The following PCDH15 variants were observed in gnomAD, a reference collection of about 807,000 sequenced individuals.
PCDH15 encodes the protein protocadherin related 15.
In PCDH15, 129 loss-of-function variants were observed where a neutral mutation model predicts 178.5. That is an observed-to-expected ratio of 0.72 (90% CI 0.63 to 0.84). The LOEUF is 0.84. PCDH15 is among the 40% of genes least tolerant of loss of function. The pLI, the probability that PCDH15 is intolerant of heterozygous loss-of-function variation, is 0.00. For missense variants in PCDH15, 2,230 were observed against 2,099.9 expected (o/e 1.06, Z -1.21); for synonymous variants, 800 against 732.0 (o/e 1.09, Z -1.50).
At chr10:54,803,833 C>T (rs533924969), upstream of PCDH15, among the ~76,000 whole-genome samples, 9 of 152,200 alleles carry the variant, frequency 5.9e-5, no homozygotes, top group South Asian at 4.2e-4. Flanking sequence ...ACATTTAAAA[C>T]ATTTAAACAT....
chr10:54,163,909 T>C (rs2045955730), intron 13 of PCDH15, among the ~76,000 whole-genome samples: 2 of 152,138 alleles, frequency 1.3e-5, no homozygotes, highest in Admixed American at 6.6e-5. Context: ...CTACGGACAA[T>C]CTAAACTATA....
intron 2 of PCDH15, among the ~76,000 whole-genome samples, chr10:55,067,341 T>C (rs1321980010): frequency 6.6e-6 from 1 of 152,006 alleles, no homozygotes; most frequent in Non-Finnish European, 1.5e-5. Flanking sequence ...GTGTTTGTCT[T>C]TTTGTGCCTG....
intron 3 of PCDH15, among the ~76,000 whole-genome samples, chr10:54,491,290 A>C (rs2137130534): frequency 6.8e-6 from 1 of 146,312 alleles, no homozygotes. Context: ...CTAACAAAGT[A>C]TTATCCCTAT....
At chr10:54,565,215 T>C (rs750621431) in intron 2 of PCDH15, among the ~76,000 whole-genome samples, 9 of 152,226 alleles carry the variant, frequency 5.9e-5, no homozygotes, top group Non-Finnish European at 1.3e-4. Flanking sequence ...CTTTCCTTTG[T>C]CAATTATATT....
At chr10:54,343,243 G>A (rs1219050848) in intron 6 of PCDH15, among the ~76,000 whole-genome samples, 1 of 152,130 alleles carries the variant, frequency 6.6e-6, no homozygotes, top group Non-Finnish European at 1.5e-5. Context: ...GGTGGGAGGT[G>A]ACTGGATCAT....
At chr10:54,157,349 G>A (rs1297741709) in intron 13 of PCDH15, among the ~76,000 whole-genome samples, 2 of 152,294 alleles carry the variant, frequency 1.3e-5, no homozygotes, top group East Asian at 1.9e-4. Flanking sequence ...TGACTTCTGT[G>A]CACCTGCAGG....
At chr10:54,148,369 T>G (rs952862623) in intron 14 of PCDH15, among the ~76,000 whole-genome samples, 3 of 152,048 alleles carry the variant, frequency 2.0e-5, no homozygotes, top group Admixed American at 6.6e-5. Flanking sequence ...AGACAGTATT[T>G]GTATATAATC....
chr10:55,470,924 T>C (rs1839942791), intron 2 of PCDH15, among the ~76,000 whole-genome samples: 1 of 152,168 alleles, frequency 6.6e-6, no homozygotes, highest in Non-Finnish European at 1.5e-5. Flanking sequence ...TATGTAGCTT[T>C]CCAAATAGGC....
intron 2 of PCDH15, among the ~76,000 whole-genome samples, chr10:55,523,278 A>C (rs1841226533): frequency 6.6e-6 from 1 of 151,400 alleles, no homozygotes; most frequent in Non-Finnish European, 1.5e-5. Context: ...CAGGTGTCAT[A>C]TATTTTCTTC....
At chr10:54,024,804 G>T (rs2093032611) in intron 18 of PCDH15, among the ~76,000 whole-genome samples, 1 of 152,050 alleles carries the variant, frequency 6.6e-6, no homozygotes, top group Non-Finnish European at 1.5e-5. Flanking sequence ...CAGTCAAGCT[G>T]ATCATTCTAG....
At chr10:54,779,462 GTGTATATATATACACACATATATA>G (rs1474628866) in intron 1 of PCDH15, among the ~76,000 whole-genome samples, 16 of 38,580 alleles carry the variant, frequency 4.1e-4, no homozygotes, top group Admixed American at 1.1e-3. Flanking sequence ...TCATATATGT[GTGTATATATATACACACATATATA>G]TGTATATATA....
chr10:55,443,008 G>A (rs1839232057), intron 2 of PCDH15, among the ~76,000 whole-genome samples: 1 of 152,056 alleles, frequency 6.6e-6, no homozygotes, highest in Admixed American at 6.6e-5. Context: ...TATCTTGGTA[G>A]TCATAAATGA....
chr10:54,821,599 T>C (rs777390353), intron 3 of PCDH15, among the ~76,000 whole-genome samples: 25 of 152,098 alleles, frequency 1.6e-4, no homozygotes, highest in Non-Finnish European at 2.1e-4. Context: ...ATTTTTCTTA[T>C]ATTTATGGTA....
chr10:53,885,212 G>T (rs530986076), intron 26 of PCDH15, among the ~76,000 whole-genome samples: 134 of 151,990 alleles, frequency 8.8e-4, no homozygotes, highest in African/African-American at 2.9e-3. Context: ...TATAGATTGT[G>T]CCCCCTCCTT....
At chr10:55,206,960 G>T (rs1840419525) in intron 1 of PCDH15, among the ~76,000 whole-genome samples, 1 of 151,970 alleles carries the variant, frequency 6.6e-6, no homozygotes, top group Non-Finnish European at 1.5e-5. Flanking sequence ...GATAGAGTTA[G>T]TCGGGTTCAG....
chr10:55,086,567 A>T (rs191746300), intron 2 of PCDH15, among the ~76,000 whole-genome samples: 27 of 152,164 alleles, frequency 1.8e-4, no homozygotes, highest in African/African-American at 5.8e-4. Flanking sequence ...AATCTGTTGT[A>T]TAATGTGAGC....
intron 2 of PCDH15, among the ~76,000 whole-genome samples, chr10:55,393,366 A>T (rs1208539608): frequency 1.3e-5 from 2 of 152,160 alleles, no homozygotes; most frequent in African/African-American, 4.8e-5. Flanking sequence ...AGAATACTAA[A>T]GCAGAATCTC....
At chr10:55,514,086 A>C (rs1443901171) in intron 2 of PCDH15, among the ~76,000 whole-genome samples, 1 of 152,094 alleles carries the variant, frequency 6.6e-6, no homozygotes, top group Non-Finnish European at 1.5e-5. Context: ...TTCTCTCATG[A>C]GTATATAGTC....
intron 13 of PCDH15, among the ~76,000 whole-genome samples, chr10:54,162,049 T>C (rs79113206): frequency 1.7e-3 from 255 of 152,246 alleles, no homozygotes; most frequent in African/African-American, 5.4e-3. Context: ...AATAAAGTTA[T>C]CGAAAATAAC....
Sources: allele counts gnomAD v4.1 joint callset (sites outside exome capture counted in the v4.1 genomes callset), GRCh38; gene constraint gnomAD v4.1.1; transcripts MANE v1.5; gene names NCBI Gene and HGNC (gene_info 2026-07-23, HGNC 2026-07-21).